CASK: variants seen among roughly 807,000 people sequenced by gnomAD.
CASK encodes calcium/calmodulin dependent serine protein kinase, also known as peripheral plasma membrane protein CASK.
A neutral mutation model predicts 82.9 loss-of-function variants in CASK; 4 were observed. The ratio of observed to expected loss-of-function variants is 0.05; its 90% confidence interval spans 0.02 to 0.11. The LOEUF (loss-of-function observed/expected upper bound fraction) is 0.11, where lower values mean the gene tolerates loss of function less well. Among genes scored for constraint, CASK ranks in the 10% least tolerant of loss-of-function variants. CASK has a pLI of 1.00. For missense variants in CASK, 358 were observed against 720.9 expected (o/e 0.50, Z 5.76); for synonymous variants, 259 against 253.5 (o/e 1.02, Z -0.20).
chrX:41,885,181 ACT>A (rs1341989699), intron 1 of CASK, among the ~76,000 whole-genome samples: 3 of 111,781 alleles, frequency 2.7e-5, no homozygotes, highest in African/African-American at 9.8e-5. Flanking sequence ...CAATTAGGGC[ACT>A]CTCTGCCAAT....
Position 41,798,644 on chromosome X carries a change from G to A in CASK, c.173-11361C>T, listed in dbSNP as rs188056716. Among the ~76,000 whole-genome samples, 403 of 112,237 alleles carry A rather than the reference G, an allele frequency of 3.6e-3. 3 individuals carry two copies. The highest frequency in any genetic ancestry group is 0.02 in the South Asian group (53 of 2,694). The stretch of plus-strand genomic sequence containing the variant: ...GAGGTCAGGAATCTGAGACTAGCCT[G>A]GACAACATGGTGAAACCCCGTCTCC... On this transcript the variant is annotated intron_variant, in intron 2 of 26. Transcript: ENST00000378163.
intron 15 of CASK, 82 bp from the exon 16 acceptor site, chrX:41,569,828 G>C: frequency 3.4e-6 from 2 of 595,418 alleles, no homozygotes; most frequent in Non-Finnish European, 5.3e-6. Context: ...TTTTGCGGTA[G>C]ATAATTTTAA....
rs775903095 is a variant in CASK at position 41,821,305 on chromosome X, T to G, written c.172+31810A>C. 2.5e-3 allele frequency among the ~76,000 whole-genome samples: 281 copies of G among 111,862 alleles called. 2 individuals are homozygous for G. The highest frequency in any genetic ancestry group is 4.0e-3 in the Non-Finnish European group (212 of 53,097). ...GAAGATATACTTCAACAAAGATATATGAATGGCCAATAAGTGCAACATTTT... is the reference window on the plus strand; with the variant it reads ...GAAGATATACTTCAACAAAGATATAGGAATGGCCAATAAGTGCAACATTTT... On this transcript the variant is annotated intron_variant, in intron 2 of 26. Transcript: ENST00000378163.
At chrX:41,718,386 G>C (rs1602516158) in intron 5 of CASK, among the ~76,000 whole-genome samples, 1 of 113,212 alleles carries the variant, frequency 8.8e-6, no homozygotes, top group African/African-American at 3.2e-5. Flanking sequence ...CTGTCGGTCA[G>C]AAGCACAGGT....
intron 5 of CASK, among the ~76,000 whole-genome samples, chrX:41,679,627 G>GT (rs1350964934): frequency 9.5e-4 from 101 of 106,558 alleles, no homozygotes; most frequent in African/African-American, 1.8e-3. Context: ...CTGATGAGGT[G>GT]TTTTTTTTTT....
At chrX:41,769,198 C>CTT (rs759796998) in intron 3 of CASK, among the ~76,000 whole-genome samples, 13 of 91,548 alleles carry the variant, frequency 1.4e-4, no homozygotes, top group Admixed American at 3.6e-4. Context: ...TTTTCTTTTT[C>CTT]TTTTTTTTTT....
At chrX:41,680,225 T>C (rs1206366829) in intron 5 of CASK, among the ~76,000 whole-genome samples, 1 of 107,813 alleles carries the variant, frequency 9.3e-6, no homozygotes, top group Admixed American at 1.0e-4. Context: ...GACTCATGCC[T>C]GTAATCTCAG....
At position 41,805,573 on chromosome X, in the gene CASK, G is replaced by A. The variant is rs1016052506; in HGVS notation, c.173-18290C>T. Among the ~76,000 whole-genome samples the A allele has an allele frequency of 4.5e-5, 5 of 111,714 alleles. 1 individual carries two copies. The highest frequency in any genetic ancestry group is 2.9e-4 in the Admixed American group (3 of 10,461). ...TTGTGGATTTAGGGACAAGGGTTAC[G>A]CTTGACTAAAGCCATACATAGTGTC... On this transcript the variant is annotated intron_variant, in intron 2 of 26. Transcript: ENST00000378163.
In CASK at chrX:41,877,915, T is replaced by TA. The variant is rs1393750433; in HGVS notation, c.60-24689dup. 5.4e-5 allele frequency among the ~76,000 whole-genome samples: 6 copies of TA among 110,241 alleles called. No homozygotes were observed. In the Admixed American group the frequency reaches 5.8e-4, roughly 11 times the overall value. On this transcript the variant is annotated intron_variant, in intron 1 of 26. Coordinates refer to ENST00000378163, the MANE Select transcript of CASK (RefSeq NM_001367721.1). ...AATGAATGCCGCTAAATTGTACACC[T>TA]ATAAATGGTGAAAATGGCAAATTTT...
chrX:41,663,312 C>T (rs1201548815), intron 7 of CASK, among the ~76,000 whole-genome samples: 1 of 111,416 alleles, frequency 9.0e-6, no homozygotes, highest in Non-Finnish European at 1.9e-5. Context: ...ATACTTCAAA[C>T]TAAGGTGGTG....
chrX:41,789,617 C>T (rs2069677644), intron 2 of CASK, among the ~76,000 whole-genome samples: 1 of 111,708 alleles, frequency 9.0e-6, no homozygotes, highest in African/African-American at 3.3e-5. Context: ...CAATCACATG[C>T]CTGCACAGAT....
At chrX:41,673,954 G>T (rs1161726483) in intron 5 of CASK, among the ~76,000 whole-genome samples, 1 of 102,236 alleles carries the variant, frequency 9.8e-6, no homozygotes, top group Non-Finnish European at 2.0e-5. Context: ...CATTCTAAAA[G>T]AAAAAATATA....
chrX:41,550,889 C>G (rs908046528), intron 21 of CASK, among the ~76,000 whole-genome samples: 2 of 111,545 alleles, frequency 1.8e-5, no homozygotes, highest in East Asian at 5.6e-4. Context: ...CCAGCCTGGG[C>G]GAGAGCACAA....
In CASK at chrX:41,622,622, G is replaced by A; in HGVS notation, c.1028C>T (p.Ala343Val). 1 of 1,196,386 alleles carries A rather than the reference G, an allele frequency of 8.4e-7. No individual in the cohort carries two copies. Among genetic ancestry groups the A allele is most frequent in the South Asian group, 1.8e-5 (1 of 54,957 alleles). The stretch of plus-strand genomic sequence containing the variant: ...GAAAACAAAGGGATACCTACTTTCT[G>A]CTGCTAGAAGTCCTAGGAGGAAGGC... ...EDPTSSGLLAAERAVSQVLDS... is the reference protein window; with the variant it reads ...EDPTSSGLLAVERAVSQVLDS... Residue 343 changes from alanine to valine, a missense_variant, in exon 11 of 27, where the codon GCA (alanine) becomes GTA (valine). Physicochemically the swap from Ala to Val is moderately conservative, Grantham distance 64 (BLOSUM62 0). Transcript: ENST00000378163.
At chrX:41,617,740 T>C (rs1275543797) in intron 11 of CASK, among the ~76,000 whole-genome samples, 12 of 112,338 alleles carry the variant, frequency 1.1e-4, no homozygotes, top group Admixed American at 1.0e-3. Context: ...GGCTTCTCCA[T>C]TGCTATTTGT....
intron 11 of CASK, among the ~76,000 whole-genome samples, chrX:41,613,693 C>T (rs2066144315): frequency 9.3e-6 from 1 of 107,559 alleles, no homozygotes; most frequent in Non-Finnish European, 1.9e-5. Flanking sequence ...ACTGTATATT[C>T]CCAGTTACGA....
In CASK at chrX:41,615,849, A is replaced by G. The variant is rs936481627; in HGVS notation, c.1034-5824T>C. On this transcript the variant is annotated intron_variant, in intron 11 of 26. Transcript: ENST00000378163. The stretch of plus-strand genomic sequence containing the variant: ...ACCATGTCGGCCAGGCTGGTCTCGA[A>G]CTCCTGGGCTCAAGTGATCCGCCTG... 7.3e-5 allele frequency among the ~76,000 whole-genome samples: 8 copies of G among 110,003 alleles called. 1 individual carries two copies. The highest frequency in any genetic ancestry group is 1.5e-4 in the Non-Finnish European group (8 of 52,702).
At chrX:41,799,598 G>C (rs1394575391) in intron 2 of CASK, among the ~76,000 whole-genome samples, 1 of 108,594 alleles carries the variant, frequency 9.2e-6, no homozygotes, top group East Asian at 2.9e-4. Context: ...TGGAATGGCT[G>C]TATAAAGGAG....
At chrX:41,789,713 C>T (rs2069679122) in intron 2 of CASK, among the ~76,000 whole-genome samples, 1 of 111,191 alleles carries the variant, frequency 9.0e-6, no homozygotes, top group African/African-American at 3.3e-5. Flanking sequence ...TCTCTAGCTT[C>T]CCATTTTTAT....
Sources: allele counts gnomAD v4.1 joint callset (sites outside exome capture counted in the v4.1 genomes callset), GRCh38; gene constraint gnomAD v4.1.1; transcripts MANE v1.5; gene names NCBI Gene and HGNC (gene_info 2026-07-23, HGNC 2026-07-21).